Variants in PTK2 observed in about 807,000 individuals in gnomAD.
PTK2 encodes protein tyrosine kinase 2.
In PTK2, 45 loss-of-function variants were observed where a neutral mutation model predicts 150.1. The ratio of observed to expected loss-of-function variants is 0.30; its 90% CI spans 0.24 to 0.38. The LOEUF is 0.38. PTK2 is among the 10% of genes least tolerant of loss of function. The pLI is 1.00. For missense variants in PTK2, 919 were observed against 1,307.3 expected (o/e 0.70, Z 4.58); for synonymous variants, 432 against 449.2 (o/e 0.96, Z 0.48).
intron 28 of PTK2, among the ~76,000 whole-genome samples, chr8:140,675,001 G>A (rs2100012770): frequency 6.6e-6 from 1 of 151,286 alleles, no homozygotes; most frequent in Non-Finnish European, 1.5e-5. Context: ...AACCCGGGAG[G>A]TGGAGGTTGC....
intron 26 of PTK2, among the ~76,000 whole-genome samples, chr8:140,689,374 A>G (rs2100021810): frequency 6.6e-6 from 1 of 152,270 alleles, no homozygotes. Flanking sequence ...CTCAATGTAA[A>G]TATCAAGGTC....
chr8:140,923,779 TA>T (rs1228333663), intron 2 of PTK2, among the ~76,000 whole-genome samples: 4 of 152,154 alleles, frequency 2.6e-5, no homozygotes, highest in African/African-American at 9.7e-5. Context: ...ACTTGAAAAG[TA>T]AACTCTTATC....
Position 140,660,560 on chromosome 8 carries a change from C to CA in PTK2, c.2947-883dup, listed in dbSNP as rs1178448595. On this transcript the variant is annotated intron_variant, in intron 31 of 31. Coordinates refer to ENST00000522684, the Ensembl canonical transcript of PTK2. ...GCAACATGGTGAAACCCCATCTCTA[C>CA]AAAAAAATACAAAAAGTTAGCTGAG... The CA allele has an allele frequency of 4.9e-5, 22 of 451,078 alleles. No homozygotes were observed. In the Admixed American group the frequency reaches 5.0e-4, roughly 10 times the overall value. The allele number at this position is 451,078 out of a possible 1,614,324, so 27.9% of individuals were successfully genotyped here.
chr8:140,730,964 CCT>C (rs1491439037), intron 22 of PTK2, among the ~76,000 whole-genome samples: 23 of 137,978 alleles, frequency 1.7e-4, no homozygotes, highest in South Asian at 2.6e-4. Flanking sequence ...CCCCCCCCCC[CCT>C]TTTTTTTTTG....
intron 2 of PTK2, among the ~76,000 whole-genome samples, chr8:140,921,655 A>G (rs2100167507): frequency 1.3e-5 from 2 of 152,220 alleles, no homozygotes; most frequent in South Asian, 4.1e-4. Flanking sequence ...TCTCGAAAAC[A>G]TAAAATCAAG....
At chr8:140,685,299 A>AAACC (rs1261121921) in intron 27 of PTK2, among the ~76,000 whole-genome samples, 2 of 152,240 alleles carry the variant, frequency 1.3e-5, no homozygotes, top group Admixed American at 6.5e-5. Flanking sequence ...CCCTTGAAGA[A>AAACC]AACCCAGGAA....
chr8:140,751,655 C>A (rs1343084576), intron 17 of PTK2, among the ~76,000 whole-genome samples: 2 of 152,020 alleles, frequency 1.3e-5, no homozygotes, highest in Non-Finnish European at 2.9e-5. Context: ...CTATGCACGG[C>A]TAATTTTTTG....
intron 21 of PTK2, among the ~76,000 whole-genome samples, chr8:140,736,141 G>A (rs1393920789): frequency 6.6e-6 from 1 of 152,230 alleles, no homozygotes; most frequent in Non-Finnish European, 1.5e-5. Flanking sequence ...TCACCTTTAA[G>A]ATGGGATAAA....
intron 1 of PTK2, among the ~76,000 whole-genome samples, chr8:140,950,401 A>G (rs1260402540): frequency 1.3e-5 from 2 of 152,184 alleles, no homozygotes; most frequent in African/African-American, 4.8e-5. Context: ...TGCATGCAGT[A>G]CATCTGGTCC....
intron 1 of PTK2, among the ~76,000 whole-genome samples, chr8:140,961,120 A>G (rs2100183035): frequency 6.6e-6 from 1 of 152,266 alleles, no homozygotes; most frequent in South Asian, 2.1e-4. Context: ...TTCTATCACT[A>G]GAGCAAGTTT....
At chr8:140,843,570 C>T (rs1047852140) in intron 7 of PTK2, among the ~76,000 whole-genome samples, 2 of 152,184 alleles carry the variant, frequency 1.3e-5, no homozygotes, top group Non-Finnish European at 2.9e-5. Flanking sequence ...GGAGTCCTCT[C>T]TCTGTAACTC....
In PTK2 at chr8:140,912,951, AAAG is replaced by A. The variant is rs572836611; in HGVS notation, c.-33+12707_-33+12709del. ...ACAGAGCAAGACTCTGTCTCAAAAAAAAGAAAAAAGAAAAAGGATATCCACAAA... is the reference window on the plus strand; with the variant it reads ...ACAGAGCAAGACTCTGTCTCAAAAAAAAAAAAGAAAAAGGATATCCACAAA... On this transcript the variant is annotated intron_variant, in intron 2 of 31. Coordinates refer to ENST00000522684, the Ensembl canonical transcript of PTK2. 5.7e-3 allele frequency among the ~76,000 whole-genome samples: 873 copies of A among 152,218 alleles called. 14 individuals are homozygous for A. Among genetic ancestry groups the A allele is most frequent in the African/African-American group, 0.019 (798 of 41,508 alleles).
intron 1 of PTK2, among the ~76,000 whole-genome samples, chr8:140,930,790 C>A (rs1042695111): frequency 5.9e-5 from 9 of 152,014 alleles, no homozygotes; most frequent in Non-Finnish European, 1.3e-4. Flanking sequence ...AAAGAAAATA[C>A]AGGCCAGGAG....
chr8:140,741,897 G>A (rs893148168), intron 20 of PTK2, among the ~76,000 whole-genome samples: 1 of 152,176 alleles, frequency 6.6e-6, no homozygotes, highest in African/African-American at 2.4e-5. Context: ...CCAGCACTTT[G>A]TGAGGCGGAG....
intron 1 of PTK2, among the ~76,000 whole-genome samples, chr8:140,986,503 C>G (rs958175361): frequency 1.3e-5 from 2 of 152,158 alleles, no homozygotes; most frequent in African/African-American, 4.8e-5. Context: ...GAGATAAGCA[C>G]AGAAACTACC....
chr8:140,889,843 A>G (rs2100153629), intron 3 of PTK2, among the ~76,000 whole-genome samples: 1 of 152,176 alleles, frequency 6.6e-6, no homozygotes, highest in South Asian at 2.1e-4. Context: ...CTTCAGAAAG[A>G]TGTAGTTACC....
chr8:140,998,529 G>T (rs928136986), intron 1 of PTK2, among the ~76,000 whole-genome samples: 1 of 151,768 alleles, frequency 6.6e-6, no homozygotes, highest in East Asian at 1.9e-4. Flanking sequence ...AAAACAACAG[G>T]ATCTTCAGGC....
chr8:140,700,833 T>C (rs1279555044), intron 26 of PTK2, 58 bp downstream of exon 29: 13 of 1,579,636 alleles, frequency 8.2e-6, no homozygotes, highest in Non-Finnish European at 9.5e-6. Flanking sequence ...TAATTTGCAA[T>C]ATAGTAGACT....
intron 10 of PTK2, among the ~76,000 whole-genome samples, chr8:140,812,405 T>C (rs1178757765): frequency 2.6e-5 from 4 of 152,182 alleles, no homozygotes; most frequent in African/African-American, 7.2e-5. Flanking sequence ...AAAGGAGCAC[T>C]AAATATGGAA....
Sources: gnomAD v4.1 joint callset for allele counts (sites outside exome capture counted in the v4.1 genomes callset) on GRCh38, gnomAD v4.1.1 for gene constraint, MANE v1.5 for transcripts, NCBI Gene and HGNC (gene_info 2026-07-23, HGNC 2026-07-21) for gene names.